The following WASHC2C variants were observed in gnomAD, a reference collection of about 807,000 sequenced individuals.
WASHC2C encodes Vaccinia Penetration Factor.
WASHC2C carries 73 observed loss-of-function variants against 142.2 expected under a neutral mutation model. The observed-to-expected ratio is 0.51, with a 90% CI of 0.43 to 0.62. WASHC2C has a LOEUF of 0.62. Among genes scored for constraint, WASHC2C ranks in the 20% least tolerant of loss-of-function variants. WASHC2C has a pLI of 0.00. For missense variants in WASHC2C, 969 were observed against 1,531.7 expected (o/e 0.63, Z 6.13); for synonymous variants, 337 against 565.5 (o/e 0.60, Z 5.73).
intron 21 of WASHC2C, among the ~76,000 whole-genome samples, chr10:45,776,129 C>G (rs2057055603): frequency 6.6e-6 from 1 of 152,122 alleles, no homozygotes; most frequent in African/African-American, 2.4e-5. Flanking sequence ...TTGCACTTTA[C>G]TTATCTCTTC....
chr10:45,738,407 A>G (rs1554865784), intron 4 of WASHC2C, among the ~76,000 whole-genome samples: 1 of 150,546 alleles, frequency 6.6e-6, no homozygotes, highest in Non-Finnish European at 1.5e-5. Context: ...ACCAGAGCCC[A>G]AAACATAGCT....
At chr10:45,786,793 C>T in intron 27 of WASHC2C, 119 bp downstream of exon 27, 2 of 1,577,234 alleles carry the variant, frequency 1.3e-6, no homozygotes, top group Admixed American at 1.7e-5. Context: ...GCCTCCCCTC[C>T]CCTGCACCTA....
chr10:45,753,928 G>A (rs1325456975), intron 13 of WASHC2C, among the ~76,000 whole-genome samples: 1 of 150,746 alleles, frequency 6.6e-6, no homozygotes, highest in East Asian at 1.9e-4. Flanking sequence ...CGAGTCTCCC[G>A]GGCGCAGGCA....
At chr10:45,764,019 T>C (rs1361948881) in intron 18 of WASHC2C, among the ~76,000 whole-genome samples, 1 of 152,070 alleles carries the variant, frequency 6.6e-6, no homozygotes, top group African/African-American at 2.4e-5. Context: ...ACAGTTCTTA[T>C]GGAGTGAAAT....
intron 18 of WASHC2C, among the ~76,000 whole-genome samples, chr10:45,764,627 G>A (rs1171978106): frequency 1.3e-5 from 2 of 151,946 alleles, no homozygotes; most frequent in East Asian, 3.9e-4. Flanking sequence ...GCAGTACTGG[G>A]CGGTGGTGAG....
intron 25 of WASHC2C, 43 bp downstream of exon 25, chr10:45,784,944 T>C (rs782239985): frequency 3.8e-5 from 61 of 1,610,214 alleles, no homozygotes; most frequent in Non-Finnish European, 5.2e-5. Context: ...GTGGGAAAGA[T>C]TCTGGGAAAG....
intron 18 of WASHC2C, among the ~76,000 whole-genome samples, chr10:45,764,618 C>T (rs1465071834): frequency 2.0e-5 from 3 of 151,894 alleles, no homozygotes; most frequent in Non-Finnish European, 2.9e-5. Flanking sequence ...AACTCTCATG[C>T]AGTACTGGGC....
In WASHC2C at chr10:45,769,578, G is replaced by A. The variant is rs1371290504; in HGVS notation, c.1999G>A (p.Glu667Lys). The A allele has an allele frequency of 1.5e-5, 24 of 1,611,814 alleles. No individual in the cohort carries two copies. The Admixed American group carries it at 4.0e-4, about 27-fold the overall frequency. Residue 667 changes from glutamate (E) to lysine (K), a missense_variant, in exon 20 of 31, where the codon GAA becomes AAA. Physicochemically the swap from Glu to Lys is moderately conservative, Grantham distance 56. Transcript: ENST00000623400. ...TGTGAAAAAGACCAGTCTCTTTGAG[G>A]AAGACAAAGAAGATGATCTTTTTGC... is the stretch of plus-strand genomic sequence containing the variant. ...KAVKKTSLFE[E>K]DKEDDLFAIA...
chr10:45,735,748 C>A (rs1399286417), intron 3 of WASHC2C, among the ~76,000 whole-genome samples: 4 of 152,132 alleles, frequency 2.6e-5, no homozygotes, highest in Admixed American at 2.0e-4. Context: ...AGGATATGAT[C>A]ATTTAAAAGC....
At chr10:45,780,965 G>A (rs1296478555) in intron 23 of WASHC2C, among the ~76,000 whole-genome samples, 3 of 151,094 alleles carry the variant, frequency 2.0e-5, no homozygotes, top group Admixed American at 6.6e-5. Context: ...TGTTGGCCAC[G>A]CTGACCTTGA....
chr10:45,787,102 C>T lies in WASHC2C; in HGVS notation c.2942C>T (p.Pro981Leu), dbSNP rs782046468. The T allele has an allele frequency of 2.5e-6, 4 of 1,604,420 alleles. No homozygotes were observed. In the South Asian group the frequency reaches 4.4e-5, roughly 18 times the overall value. The change falls in exon 28 of 31, where the codon CCT (proline) becomes CTT (leucine). Residue 981 changes from proline to leucine, a missense_variant. Transcript: ENST00000623400. ...TAASQISEVK[P>L]VLPELAFPSS... ...GCTTCCCAGATCTCTGAAGTAAAGC[C>T]TGTTTTGCCAGAATTGGCTTTTCCT...
chr10:45,741,984 G>A (rs1473608784), intron 5 of WASHC2C, among the ~76,000 whole-genome samples: 9 of 151,628 alleles, frequency 5.9e-5, no homozygotes, highest in East Asian at 3.9e-4. Flanking sequence ...TAGTAGAGAC[G>A]GGGTTTCACC....
intron 8 of WASHC2C, among the ~76,000 whole-genome samples, chr10:45,747,247 T>C (rs1298352279): frequency 6.6e-6 from 1 of 152,100 alleles, no homozygotes; most frequent in East Asian, 1.9e-4. Flanking sequence ...TTCAAATAAT[T>C]CTTCTGCCTC....
intron 28 of WASHC2C, 21 bp from the exon 29 acceptor site, chr10:45,788,850 T>A: frequency 1.2e-6 from 2 of 1,612,074 alleles, no homozygotes; most frequent in Non-Finnish European, 1.7e-6. Flanking sequence ...CAGATCAATG[T>A]ATGTTTTTTT....
intron 3 of WASHC2C, among the ~76,000 whole-genome samples, chr10:45,733,372 G>A (rs537888606): frequency 7.6e-4 from 116 of 152,250 alleles, no homozygotes; most frequent in Admixed American, 7.0e-3. Context: ...GGGGACCAGG[G>A]CTGTGTATAG....
chr10:45,769,373 C>G, intron 19 of WASHC2C, 76 bp from the exon 20 acceptor site: 1 of 1,485,076 alleles, frequency 6.7e-7, no homozygotes. Flanking sequence ...CCGCCTCGGC[C>G]TCCCAAAGTG....
At chr10:45,727,839 G>T (rs2050071014) in intron 2 of WASHC2C, among the ~76,000 whole-genome samples, 1 of 152,108 alleles carries the variant, frequency 6.6e-6, no homozygotes, top group Admixed American at 6.5e-5. Context: ...CTAGGGAGGC[G>T]ATTCCTGTTG....
At chr10:45,775,751 G>A (rs1231367218) in intron 21 of WASHC2C, among the ~76,000 whole-genome samples, 2 of 143,720 alleles carry the variant, frequency 1.4e-5, no homozygotes, top group East Asian at 2.1e-4. Context: ...GGCGCATCTC[G>A]GCTCACTGCA....
chr10:45,777,062 A>G, intron 21 of WASHC2C, among the ~76,000 whole-genome samples: 3 of 152,026 alleles, frequency 2.0e-5, no homozygotes, highest in South Asian at 2.1e-4. Flanking sequence ...TACAGGTGAT[A>G]TGGTGGCGTG....
Sources: gnomAD v4.1 joint callset for allele counts (sites outside exome capture counted in the v4.1 genomes callset) on GRCh38, gnomAD v4.1.1 for gene constraint, MANE v1.5 for transcripts, NCBI Gene and HGNC (gene_info 2026-07-23, HGNC 2026-07-21) for gene names.